The following ATXN10 variants were observed in gnomAD, a reference collection of about 807,000 sequenced individuals.
ATXN10 encodes ataxin-10.
Under a neutral mutation model 52.9 loss-of-function variants are expected in ATXN10, and 28 were observed. That is an observed-to-expected ratio of 0.53 (90% CI 0.39 to 0.73). ATXN10 has a LOEUF of 0.73. Ranked by LOEUF, ATXN10 falls within the 30% of genes least tolerant of loss-of-function variation. ATXN10 has a pLI of 0.00. For synonymous variants in ATXN10, 226 were observed against 221.5 expected, an observed-to-expected ratio of 1.02 and a Z score of -0.18; for missense variants, 565 against 577.0, an observed-to-expected ratio of 0.98 and a Z score of 0.21.
rs187127304 is a variant in ATXN10, at chr22:45,744,223, A to C, written c.1173+3685A>C. 2.6e-5 allele frequency among the ~76,000 whole-genome samples: 4 copies of C among 152,292 alleles called. No homozygotes were observed. Among genetic ancestry groups the C allele is most frequent in the South Asian group, 4.1e-4 (2 of 4,822 alleles). ...TTGCCTCTTTGAATCAGAATCTCAA[A>C]ACTACTCATGACACAGATTTTCCTA... On this transcript the variant is annotated intron_variant, in intron 9 of 11. Coordinates refer to ENST00000252934, the MANE Select transcript of ATXN10 (RefSeq NM_013236.4). The surrounding 1 kb of genome is among the most constrained non-coding windows in gnomAD (Gnocchi z 4.9).
At position 45,831,115 on chromosome 22, in the gene ATXN10, G is replaced by A. The variant is rs187137546; in HGVS notation, c.1238-11876G>A. Among the ~76,000 whole-genome samples, 16 of 152,276 alleles carry A rather than the reference G, an allele frequency of 1.1e-4. 1 individual carries two copies. The East Asian group carries it at 2.1e-3, about 20-fold the overall frequency. ...CTTAGTGAAATAAGCCAGTCATACCGTGTCAGCTTATTTATAAGAGGTACT... is the reference window on the plus strand; with the variant it reads ...CTTAGTGAAATAAGCCAGTCATACCATGTCAGCTTATTTATAAGAGGTACT... On this transcript the variant is annotated intron_variant, in intron 10 of 11. Coordinates refer to ENST00000252934, the MANE Select transcript of ATXN10 (RefSeq NM_013236.4).
At chr22:45,735,799 T>G (rs1191022774) in intron 7 of ATXN10, among the ~76,000 whole-genome samples, 2 of 143,286 alleles carry the variant, frequency 1.4e-5, no homozygotes, top group East Asian at 4.1e-4. Context: ...CGATGTTCCC[T>G]TCATTTGCTT....
Position 45,816,110 on chromosome 22 carries a change from A to G in ATXN10, c.1237+9088A>G, listed in dbSNP as rs774372266. On this transcript the variant is annotated intron_variant, in intron 10 of 11. Transcript: ENST00000252934. The surrounding 1 kb of genome is among the most constrained non-coding windows in gnomAD (Gnocchi z 5.8). The stretch of plus-strand genomic sequence containing the variant: ...TAAAAATACAAAAAAAAAATTCGCT[A>G]GGCGTGGTGGCACGCACCCTTAGTC... Among the ~76,000 whole-genome samples the G allele has an allele frequency of 1.3e-5, 2 of 152,056 alleles. No individual in the cohort carries two copies. Among genetic ancestry groups the G allele is most frequent in the Admixed American group, 6.5e-5 (1 of 15,274 alleles).
intron 9 of ATXN10, among the ~76,000 whole-genome samples, chr22:45,743,329 A>G (rs917236954): frequency 6.6e-6 from 1 of 152,210 alleles, no homozygotes; most frequent in Non-Finnish European, 1.5e-5. Context: ...CCAAAGACCG[A>G]CACAACGCCG....
At chr22:45,692,668 T>C (rs1269079761) in intron 2 of ATXN10, among the ~76,000 whole-genome samples, 2 of 152,232 alleles carry the variant, frequency 1.3e-5, no homozygotes, top group South Asian at 2.1e-4. Flanking sequence ...CTAGATCTTT[T>C]TACATCTTTT....
intron 3 of ATXN10, among the ~76,000 whole-genome samples, chr22:45,699,799 G>C (rs373343434): frequency 4.8e-4 from 72 of 150,104 alleles, no homozygotes; most frequent in African/African-American, 1.7e-3. Flanking sequence ...CAGGCAATAA[G>C]TTAATTAATT....
intron 10 of ATXN10, among the ~76,000 whole-genome samples, chr22:45,815,418 G>T (rs1928427197): frequency 1.3e-5 from 2 of 152,198 alleles, no homozygotes; most frequent in Non-Finnish European, 2.9e-5. Flanking sequence ...ACACGTGAAA[G>T]AACTTACCTA....
intron 9 of ATXN10, among the ~76,000 whole-genome samples, chr22:45,771,460 A>G (rs1368596486): frequency 7.4e-6 from 1 of 135,762 alleles, no homozygotes; most frequent in East Asian, 2.2e-4. Flanking sequence ...TCTGTTGCCC[A>G]GGCTGGAGTG....
At position 45,763,950 on chromosome 22, in the gene ATXN10, G is replaced by A. The variant is rs141295778; in HGVS notation, c.1173+23412G>A. 5.0e-4 allele frequency among the ~76,000 whole-genome samples: 76 copies of A among 151,320 alleles called. No individual in the cohort carries two copies. The highest frequency in any genetic ancestry group is 1.7e-3 in the African/African-American group (68 of 41,160). Reference sequence around the variant, plus strand: ...CCCCCTTCTTATCTAAGGCTGCTACGTGTTATTGGAGAAAATTATAATACC... The same window carrying A: ...CCCCCTTCTTATCTAAGGCTGCTACATGTTATTGGAGAAAATTATAATACC... On this transcript the variant is annotated intron_variant, in intron 9 of 11. Transcript: ENST00000252934. The surrounding 1 kb of genome is among the most constrained non-coding windows in gnomAD (Gnocchi z 6.9).
chr22:45,818,589 G>T lies in ATXN10; in HGVS notation c.1237+11567G>T, dbSNP rs530266428. 6.6e-6 allele frequency among the ~76,000 whole-genome samples: 1 copy of T among 152,292 alleles called. No homozygotes were observed. Among genetic ancestry groups the T allele is most frequent in the East Asian group, 1.9e-4 (1 of 5,172 alleles). ...TTGAAGGTGACCACCCTCGCTTTCA[G>T]CGGACCGGGGCAGGGATCAGGGATC... On this transcript the variant is annotated intron_variant, in intron 10 of 11. Coordinates refer to ENST00000252934, the MANE Select transcript of ATXN10 (RefSeq NM_013236.4). This position sits in a 1 kb window ranked among gnomAD's most constrained non-coding sequence, Gnocchi z 4.6.
rs138486165 is a variant in ATXN10 at position 45,781,875 on chromosome 22, G to GA, written c.1174-25077dup. On this transcript the variant is annotated intron_variant, in intron 9 of 11. Transcript: ENST00000252934. The surrounding 1 kb of genome is among the most constrained non-coding windows in gnomAD (Gnocchi z 4.2). ...CAGTGGCAGAATGGAGATGCTGGAA[G>GA]AAAAAAATCAGTGAACTGGAGGATG... Among the ~76,000 whole-genome samples, 1 of 152,048 alleles carries GA rather than the reference G, an allele frequency of 6.6e-6. No homozygotes were observed. The highest frequency in any genetic ancestry group is 1.5e-5 in the Non-Finnish European group (1 of 68,000).
intron 7 of ATXN10, among the ~76,000 whole-genome samples, chr22:45,730,465 G>A (rs1179338790): frequency 1.3e-5 from 2 of 151,896 alleles, no homozygotes; most frequent in South Asian, 4.1e-4. Context: ...ACAAAGCCTT[G>A]CTCTGTCGCC....
At chr22:45,827,909 T>C (rs1005722708) in intron 10 of ATXN10, among the ~76,000 whole-genome samples, 3 of 152,240 alleles carry the variant, frequency 2.0e-5, no homozygotes, top group African/African-American at 4.8e-5. Flanking sequence ...TTTAAAGATA[T>C]CATACAGAGT....
chr22:45,815,621 T>C (rs1453581553), intron 10 of ATXN10, among the ~76,000 whole-genome samples: 1 of 151,946 alleles, frequency 6.6e-6, no homozygotes. Flanking sequence ...TCCTTCCTTT[T>C]TCATGGTGTC....
chr22:45,781,471 C>G lies in ATXN10; in HGVS notation c.1174-25488C>G, dbSNP rs1000199177. ...CAGTAGTGAGCTGCTCTGCCTTCCA[C>G]GTGCTGTTGTTGAACGAGCTCTGCT... On this transcript the variant is annotated intron_variant, in intron 9 of 11. Coordinates refer to ENST00000252934, the MANE Select transcript of ATXN10 (RefSeq NM_013236.4). This position sits in a 1 kb window ranked among gnomAD's most constrained non-coding sequence, Gnocchi z 4.2. Among the ~76,000 whole-genome samples the G allele has an allele frequency of 1.3e-5, 2 of 152,198 alleles. No individual in the cohort carries two copies. Among genetic ancestry groups the G allele is most frequent in the Non-Finnish European group, 2.9e-5 (2 of 68,042 alleles).
At chr22:45,714,252 TAC>T (rs969017092) in intron 5 of ATXN10, among the ~76,000 whole-genome samples, 4 of 152,174 alleles carry the variant, frequency 2.6e-5, no homozygotes, top group African/African-American at 9.6e-5. Flanking sequence ...TAATTTTCTT[TAC>T]CTATTTTTCT....
rs1281406609 is a variant in ATXN10, at chr22:45,841,790, T to G, written c.1238-1201T>G. ...CAGCTTTGTGAATGTTGAAGTTTTC[T>G]CTGTGTTCTCATGCCATGTTGGGGG... On this transcript the variant is annotated intron_variant, in intron 10 of 11. Transcript: ENST00000252934. The surrounding 1 kb of genome is among the most constrained non-coding windows in gnomAD (Gnocchi z 5.1). 6.6e-6 allele frequency among the ~76,000 whole-genome samples: 1 copy of G among 152,234 alleles called. No homozygotes were observed. The highest frequency in any genetic ancestry group is 1.5e-5 in the Non-Finnish European group (1 of 68,042).
At chr22:45,800,250 C>T (rs1191148999) in intron 9 of ATXN10, among the ~76,000 whole-genome samples, 3 of 152,100 alleles carry the variant, frequency 2.0e-5, no homozygotes, top group Admixed American at 6.5e-5. Context: ...TACTCATATG[C>T]AGAATATGTA....
At chr22:45,812,870 A>G (rs1928328968) in intron 10 of ATXN10, among the ~76,000 whole-genome samples, 1 of 152,164 alleles carries the variant, frequency 6.6e-6, no homozygotes, top group African/African-American at 2.4e-5. Flanking sequence ...CGGCCACCCT[A>G]CGGGTTAGGA....
Sources: allele counts gnomAD v4.1 joint callset (sites outside exome capture counted in the v4.1 genomes callset), GRCh38; gene constraint gnomAD v4.1.1; non-coding constraint Gnocchi (gnomAD v3.1); transcripts MANE v1.5; gene names NCBI Gene and HGNC (gene_info 2026-07-23, HGNC 2026-07-21).